The following LRRIQ1 variants were observed in gnomAD, a reference collection of about 807,000 sequenced individuals.
LRRIQ1 encodes the protein leucine rich repeats and IQ motif containing 1, also known as leucine-rich repeat- and IQ domain-containing protein 1.
Under a neutral mutation model 211.9 loss-of-function variants are expected in LRRIQ1, and 210 were observed. The observed-to-expected ratio is 0.99, with a 90% CI of 0.89 to 1.11. The LOEUF (loss-of-function observed/expected upper bound fraction) is 1.11, where lower values mean the gene tolerates loss of function less well. Among genes scored for constraint, LRRIQ1 ranks in the 50% most tolerant of loss-of-function variants. The pLI, the probability that LRRIQ1 is intolerant of heterozygous loss-of-function variation, is 0.00. For synonymous variants in LRRIQ1, 699 were observed against 650.1 expected, an observed-to-expected ratio of 1.08 and a Z score of -1.14; for missense variants, 2,136 against 1,939.5, an observed-to-expected ratio of 1.10 and a Z score of -1.90.
chr12:85,188,082 T>G (rs1371463638), intron 24 of LRRIQ1, among the ~76,000 whole-genome samples: 1 of 151,842 alleles, frequency 6.6e-6, no homozygotes. Context: ...AGTTTGGGAC[T>G]CTATTGGCTT....
intron 14 of LRRIQ1, among the ~76,000 whole-genome samples, chr12:85,104,759 A>G (rs1376511701): frequency 1.3e-5 from 2 of 151,992 alleles, no homozygotes; most frequent in South Asian, 2.1e-4. Flanking sequence ...TGGTTCTTGT[A>G]CAAGTATTTT....
chr12:85,259,408 T>C (rs570398352), intron 1 of LRRIQ1, among the ~76,000 whole-genome samples: 2 of 152,202 alleles, frequency 1.3e-5, no homozygotes, highest in African/African-American at 4.8e-5. Context: ...GGAGTAATCA[T>C]AGGACAAAGT....
At position 85,141,802 on chromosome 12, in the gene LRRIQ1, T is replaced by G. The variant is rs560122596; in HGVS notation, c.4329+3833T>G. Among the ~76,000 whole-genome samples, 3 of 151,450 alleles carry G rather than the reference T, an allele frequency of 2.0e-5. No homozygotes were observed. The South Asian group carries it at 6.2e-4, about 31-fold the overall frequency. On this transcript the variant is annotated intron_variant, in intron 19 of 26. Coordinates refer to ENST00000393217, the MANE Select transcript of LRRIQ1 (RefSeq NM_001079910.2). The stretch of plus-strand genomic sequence containing the variant: ...TTTGGTTTATACAATTTTCATTTGT[T>G]TTCTATTTGTTCTATGTTGATTTTT...
At chr12:85,189,166 C>T (rs1216839250) in intron 24 of LRRIQ1, among the ~76,000 whole-genome samples, 1 of 152,126 alleles carries the variant, frequency 6.6e-6, no homozygotes, top group Non-Finnish European at 1.5e-5. Context: ...AGATATGCTC[C>T]TGTTAGCAAA....
chr12:85,148,509 C>T (rs991759856), intron 19 of LRRIQ1, among the ~76,000 whole-genome samples: 2 of 151,910 alleles, frequency 1.3e-5, no homozygotes, highest in East Asian at 1.9e-4. Context: ...TGCAGTATTC[C>T]GTGGTGTATA....
At chr12:85,217,983 T>A (rs976171875) in intron 24 of LRRIQ1, among the ~76,000 whole-genome samples, 10 of 151,920 alleles carry the variant, frequency 6.6e-5, no homozygotes, top group Admixed American at 3.3e-4. Flanking sequence ...AGGAATATTT[T>A]TCAAGGATAA....
chr12:85,227,594 G>T (rs1279728691), intron 24 of LRRIQ1, among the ~76,000 whole-genome samples: 1 of 152,012 alleles, frequency 6.6e-6, no homozygotes, highest in Non-Finnish European at 1.5e-5. Context: ...TGGCCATACT[G>T]CCCAAGGTAA....
At position 85,046,142 on chromosome 12, in the gene LRRIQ1, A is replaced by C; in HGVS notation, c.454+5A>C. ...TGGATGAACATGTTTTACCAGGTGG[A>C]CTAAATTGCTCAATGATATGTTTGT... On this transcript the variant is annotated splice_donor_5th_base_variant and intron_variant, in intron 5 of 26. Transcript: ENST00000393217. 1 of 1,512,662 alleles carries C rather than the reference A, an allele frequency of 6.6e-7. No homozygotes were observed. The highest frequency in any genetic ancestry group is 9.1e-7 in the Non-Finnish European group (1 of 1,095,042). 93.7% of individuals were successfully genotyped at this position (1,512,662 alleles called of 1,614,324 possible).
chr12:85,109,018 CTGT>C (rs1745253341), intron 15 of LRRIQ1, among the ~76,000 whole-genome samples: 1 of 152,028 alleles, frequency 6.6e-6, no homozygotes, highest in South Asian at 2.1e-4. Flanking sequence ...AGGGCAGAAG[CTGT>C]TGAATTTTTG....
chr12:85,224,001 A>G (rs1894527838), intron 24 of LRRIQ1, among the ~76,000 whole-genome samples: 1 of 149,912 alleles, frequency 6.7e-6, no homozygotes, highest in South Asian at 2.1e-4. Flanking sequence ...AATCTCATAA[A>G]GTATGTAATT....
chr12:85,217,508 A>ATATATATG (rs1216212048), intron 24 of LRRIQ1, among the ~76,000 whole-genome samples: 1 of 64,272 alleles, frequency 1.6e-5, no homozygotes, highest in Non-Finnish European at 2.5e-5. Context: ...ATATATATAT[A>ATATATATG]TGTGTGTGTG....
intron 24 of LRRIQ1, among the ~76,000 whole-genome samples, chr12:85,191,326 C>T (rs2136939073): frequency 1.3e-5 from 2 of 151,974 alleles, no homozygotes; most frequent in African/African-American, 4.8e-5. Flanking sequence ...CTATAAGCAT[C>T]CTTCCCTCCC....
intron 24 of LRRIQ1, among the ~76,000 whole-genome samples, chr12:85,207,464 C>T (rs1201622346): frequency 6.6e-6 from 1 of 152,128 alleles, no homozygotes; most frequent in African/African-American, 2.4e-5. Context: ...TATTTTCTCC[C>T]AGTCTGTGTC....
At chr12:85,250,756 G>A (rs964065156) in intron 1 of LRRIQ1, among the ~76,000 whole-genome samples, 39 of 125,326 alleles carry the variant, frequency 3.1e-4, no homozygotes, top group African/African-American at 1.2e-3. Flanking sequence ...GCAATAAATA[G>A]ATAATGGAAT....
At chr12:85,218,073 T>C (rs1894239527) in intron 24 of LRRIQ1, among the ~76,000 whole-genome samples, 1 of 152,034 alleles carries the variant, frequency 6.6e-6, no homozygotes, top group Non-Finnish European at 1.5e-5. Flanking sequence ...TAAAAATAAT[T>C]TGTAATAACT....
intron 11 of LRRIQ1, among the ~76,000 whole-genome samples, chr12:85,073,622 A>C (rs1298688440): frequency 1.3e-5 from 2 of 152,116 alleles, no homozygotes; most frequent in Admixed American, 6.6e-5. Context: ...GATATCAGCA[A>C]GATTTATGTG....
At chr12:85,125,985 A>G (rs933607386) in intron 17 of LRRIQ1, among the ~76,000 whole-genome samples, 1 of 152,186 alleles carries the variant, frequency 6.6e-6, no homozygotes, top group Admixed American at 6.5e-5. Context: ...TGCCAATTGT[A>G]TAAGAGTTTC....
chr12:85,114,469 A>G (rs1012784985), intron 15 of LRRIQ1, among the ~76,000 whole-genome samples: 3 of 152,158 alleles, frequency 2.0e-5, no homozygotes, highest in African/African-American at 7.2e-5. Context: ...GTCTCAAATA[A>G]TCTTTCAATG....
downstream of LRRIQ1, among the ~76,000 whole-genome samples, chr12:85,269,065 T>C (rs1174240523): frequency 6.6e-6 from 1 of 151,936 alleles, no homozygotes; most frequent in Non-Finnish European, 1.5e-5. Flanking sequence ...CCTAAATAAA[T>C]ACCTGGAGAC....
Sources: gnomAD v4.1 joint callset for allele counts (sites outside exome capture counted in the v4.1 genomes callset) on GRCh38, gnomAD v4.1.1 for gene constraint, MANE v1.5 for transcripts, NCBI Gene and HGNC (gene_info 2026-07-23, HGNC 2026-07-21) for gene names.